Variants in RUNDC3B observed in about 807,000 individuals in gnomAD.
RUNDC3B encodes the protein RUN domain containing 3B.
Under a neutral mutation model 58.4 loss-of-function variants are expected in RUNDC3B, and 33 were observed. The observed-to-expected ratio is 0.56, with a 90% CI of 0.43 to 0.75. The LOEUF (loss-of-function observed/expected upper bound fraction) is 0.75. Among genes scored for constraint, RUNDC3B ranks in the 30% least tolerant of loss-of-function variants. The pLI is 0.00. For missense variants in RUNDC3B, 501 were observed against 535.7 expected (o/e 0.94, Z 0.64); for synonymous variants, 193 against 195.2 (o/e 0.99, Z 0.10).
intron 6 of RUNDC3B, 23 bp from the exon 7 acceptor site, chr7:87,770,558 T>G (rs1356312084): frequency 6.3e-7 from 1 of 1,585,732 alleles, no homozygotes; most frequent in East Asian, 2.3e-5. Context: ...TTTAACTTTT[T>G]TTTAAAATTT....
At chr7:87,692,607 A>C (rs1018453508) in intron 2 of RUNDC3B, among the ~76,000 whole-genome samples, 2 of 152,192 alleles carry the variant, frequency 1.3e-5, no homozygotes, top group East Asian at 3.8e-4. Flanking sequence ...AATTTCTTTA[A>C]GTCAGATTTT....
chr7:87,674,908 C>G (rs868337321), intron 2 of RUNDC3B, among the ~76,000 whole-genome samples: 7 of 152,116 alleles, frequency 4.6e-5, no homozygotes, highest in Non-Finnish European at 7.4e-5. Context: ...CATGGTAAGC[C>G]TTGGGGGAGG....
intron 6 of RUNDC3B, among the ~76,000 whole-genome samples, chr7:87,753,912 A>C (rs534850182): frequency 3.3e-5 from 5 of 152,202 alleles, no homozygotes; most frequent in Non-Finnish European, 7.3e-5. Flanking sequence ...GGTATCATGC[A>C]GTCAGTAAGA....
intron 8 of RUNDC3B, among the ~76,000 whole-genome samples, chr7:87,799,112 T>C (rs746483530): frequency 6.6e-6 from 1 of 152,232 alleles, no homozygotes; most frequent in Non-Finnish European, 1.5e-5. Context: ...TTACTCCTCT[T>C]GGTATTAAAT....
chr7:87,756,676 C>G lies in RUNDC3B; in HGVS notation c.630-13905C>G, dbSNP rs539999648. On this transcript the variant is annotated intron_variant, in intron 6 of 10. Transcript: ENST00000394654. ...TTATTTTCTATATACCATATTCCAT[C>G]AATTTTAAGATATACTTCTTTGTTT... 2.6e-5 allele frequency among the ~76,000 whole-genome samples: 4 copies of G among 152,096 alleles called. No individual in the cohort carries two copies. The South Asian group carries it at 8.3e-4, about 32-fold the overall frequency.
chr7:87,647,753 C>A (rs2035743849), intron 1 of RUNDC3B, among the ~76,000 whole-genome samples: 1 of 151,858 alleles, frequency 6.6e-6, no homozygotes, highest in Non-Finnish European at 1.5e-5. Context: ...ACATAACTAA[C>A]AAATACACAT....
chr7:87,709,476 C>T, intron 3 of RUNDC3B: 1 of 985,370 alleles, frequency 1.0e-6, no homozygotes, highest in South Asian at 4.7e-5. Context: ...ATGGACTGAG[C>T]ACAGGGCAAG....
At chr7:87,698,509 T>C (rs936021278) in intron 2 of RUNDC3B, among the ~76,000 whole-genome samples, 26 of 152,360 alleles carry the variant, frequency 1.7e-4, no homozygotes, top group South Asian at 6.2e-4. Context: ...TATTTGATGT[T>C]TGTAATCTAT....
chr7:87,634,714 A>G (rs1268409675), intron 1 of RUNDC3B, among the ~76,000 whole-genome samples: 6 of 152,184 alleles, frequency 3.9e-5, no homozygotes, highest in Admixed American at 6.5e-5. Flanking sequence ...AGTATGCCTC[A>G]TAAGACTGTT....
At chr7:87,813,423 A>T (rs1328728059) in intron 9 of RUNDC3B, among the ~76,000 whole-genome samples, 1 of 152,186 alleles carries the variant, frequency 6.6e-6, no homozygotes, top group African/African-American at 2.4e-5. Flanking sequence ...TCCTTACAAT[A>T]TTCAGATGAA....
intron 8 of RUNDC3B, among the ~76,000 whole-genome samples, chr7:87,788,676 A>G (rs1021889994): frequency 2.7e-5 from 4 of 150,104 alleles, no homozygotes; most frequent in Admixed American, 2.6e-4. Context: ...AGATTAAAAA[A>G]TGTATTTGTT....
chr7:87,737,083 A>G (rs766264337), intron 4 of RUNDC3B, among the ~76,000 whole-genome samples: 4 of 150,488 alleles, frequency 2.7e-5, no homozygotes, highest in East Asian at 3.9e-4. Context: ...TATTTTTTGT[A>G]TAGGTGGGTT....
chr7:87,757,032 GT>G (rs1427653840), intron 6 of RUNDC3B, among the ~76,000 whole-genome samples: 2 of 151,966 alleles, frequency 1.3e-5, no homozygotes, highest in African/African-American at 4.8e-5. Context: ...AAATATAAAT[GT>G]ATAGCATAAA....
At chr7:87,649,018 A>G (rs1382490861) in intron 1 of RUNDC3B, among the ~76,000 whole-genome samples, 2 of 152,128 alleles carry the variant, frequency 1.3e-5, no homozygotes, top group East Asian at 3.8e-4. Context: ...AAACCTTAAA[A>G]AAAGCTTGTA....
At chr7:87,694,936 T>C (rs1376272900) in intron 2 of RUNDC3B, among the ~76,000 whole-genome samples, 1 of 152,162 alleles carries the variant, frequency 6.6e-6, no homozygotes, top group Non-Finnish European at 1.5e-5. Context: ...TAGATATTTG[T>C]ATATGTTTGT....
At chr7:87,643,170 G>A (rs1011060825) in intron 1 of RUNDC3B, among the ~76,000 whole-genome samples, 5 of 152,204 alleles carry the variant, frequency 3.3e-5, no homozygotes, top group African/African-American at 1.2e-4. Context: ...GCTTTGCAAA[G>A]TGTTGGGATT....
chr7:87,686,249 T>C (rs911062739), intron 2 of RUNDC3B, among the ~76,000 whole-genome samples: 25 of 152,176 alleles, frequency 1.6e-4, no homozygotes, highest in Non-Finnish European at 3.7e-4. Flanking sequence ...GATATGAGAT[T>C]AATAAGGTAT....
At chr7:87,655,504 G>C (rs1585016145) in intron 2 of RUNDC3B, among the ~76,000 whole-genome samples, 1 of 152,058 alleles carries the variant, frequency 6.6e-6, no homozygotes, top group Non-Finnish European at 1.5e-5. Flanking sequence ...CCTTATACAT[G>C]GCATCTAAAA....
intron 1 of RUNDC3B, among the ~76,000 whole-genome samples, chr7:87,649,977 G>A (rs1823415770): frequency 6.6e-6 from 1 of 152,138 alleles, no homozygotes. Context: ...AGAACAGTGA[G>A]TCAATTAAAT....
Sources: allele counts gnomAD v4.1 joint callset (sites outside exome capture counted in the v4.1 genomes callset), GRCh38; gene constraint gnomAD v4.1.1; transcripts MANE v1.5; gene names NCBI Gene and HGNC (gene_info 2026-07-23, HGNC 2026-07-21).